The following TPCN2 variants were observed in gnomAD, a reference collection of about 807,000 sequenced individuals.
TPCN2 encodes the protein two pore segment channel 2, also known as two pore channel protein 2.
Under a neutral mutation model 111.4 loss-of-function variants are expected in TPCN2, and 92 were observed. The ratio of observed to expected loss-of-function variants is 0.83; its 90% CI spans 0.70 to 0.98. The LOEUF is 0.98. Among genes scored for constraint, TPCN2 ranks in the 50% least tolerant of loss-of-function variants. The pLI is 0.00. For missense variants in TPCN2, 995 were observed against 980.1 expected (o/e 1.02, Z -0.20); for synonymous variants, 405 against 414.5 (o/e 0.98, Z 0.28).
At position 69,067,599 on chromosome 11, in the gene TPCN2, C is replaced by G. The variant is rs1284811991; in HGVS notation, c.823C>G (p.Pro275Ala). 6.2e-7 allele frequency: 1 copy of G among 1,613,816 alleles called. No individual in the cohort carries two copies. Among genetic ancestry groups the G allele is most frequent in the South Asian group, 1.1e-5 (1 of 91,088 alleles). ...LLVLLTTANN[P>A]DVMIPAYSKN... Reference sequence around the variant, plus strand: ...GGTGCTGCTGACCACGGCCAACAACCCCGATGGTGCGTGCAGGGCCAGGGA... The same window carrying G: ...GGTGCTGCTGACCACGGCCAACAACGCCGATGGTGCGTGCAGGGCCAGGGA... The change falls in exon 8 of 25, where the codon CCC becomes GCC. Residue 275 changes from proline to alanine, a missense_variant. Physicochemically the swap from Pro to Ala is conservative, Grantham distance 27. Coordinates refer to ENST00000294309, the MANE Select transcript of TPCN2 (RefSeq NM_139075.4).
Position 69,081,510 on chromosome 11 carries a change from GC to G in TPCN2, c.1689+15del. The G allele has an allele frequency of 6.5e-7, 1 of 1,539,292 alleles. No homozygotes were observed. Among genetic ancestry groups the G allele is most frequent in the Non-Finnish European group, 8.8e-7 (1 of 1,138,302 alleles). On this transcript the variant is annotated intron_variant, in intron 18 of 24. Transcript: ENST00000294309. ...ATCCCCAGCATGAAGGTGTGTGCCG[GC>G]CCCACCCCCACTCGCCCCACCCTCC...
chr11:69,051,307 A>G (rs1412459063), intron 1 of TPCN2, among the ~76,000 whole-genome samples: 1 of 152,272 alleles, frequency 6.6e-6, no homozygotes, highest in East Asian at 1.9e-4. Context: ...TTATCAAACA[A>G]GTCAGAGGAC....
At chr11:69,086,468 G>A (rs927763894) in intron 22 of TPCN2, 55 bp from the exon 23 acceptor site, 7 of 1,468,078 alleles carry the variant, frequency 4.8e-6, no homozygotes, top group South Asian at 1.1e-5. Context: ...TGTTTGTATC[G>A]AGTGCTCTTG....
rs761153685 is a variant in TPCN2, at chr11:69,055,345, C to T, written c.422C>T (p.Ser141Phe). 4 of 1,608,206 alleles carry T rather than the reference C, an allele frequency of 2.5e-6. No individual in the cohort carries two copies. Among genetic ancestry groups the T allele is most frequent in the East Asian group, 2.2e-5 (1 of 44,814 alleles). ...LCLLVFAADL[S>F]VKGYLFGWAH... is the part of the protein sequence containing the mutation. ...CTGCTGGTCTTTGCGGCCGACCTCT[C>T]TGTGAAGGTGAGGCGGGCGCCAGGC... The change falls in exon 4 of 25, where the codon TCT becomes TTT. Residue 141 changes from serine to phenylalanine, a missense_variant. By Grantham distance (155) the Ser-to-Phe change is radical. Coordinates refer to ENST00000294309, the MANE Select transcript of TPCN2 (RefSeq NM_139075.4).
chr11:69,087,225 C>T lies in TPCN2; in HGVS notation c.2180+19C>T, dbSNP rs375848652. The T allele has an allele frequency of 5.3e-5, 85 of 1,609,546 alleles. No individual in the cohort carries two copies. The African/African-American group carries it at 5.6e-4, about 11-fold the overall frequency. On this transcript the variant is annotated intron_variant, in intron 24 of 24. Coordinates refer to ENST00000294309, the MANE Select transcript of TPCN2 (RefSeq NM_139075.4). ...TGTTCAGGTGTGTGGGTGGGGAAGG[C>T]GCTTCTGTCTGGCCCCCTGGGATGG...
intron 4 of TPCN2, among the ~76,000 whole-genome samples, chr11:69,056,928 C>T (rs1211203671): frequency 6.6e-6 from 1 of 152,086 alleles, no homozygotes; most frequent in African/African-American, 2.4e-5. Flanking sequence ...ACCTTCGCCT[C>T]CTGGGTTCAA....
intron 19 of TPCN2, chr11:69,084,736 C>G (rs1856199932): frequency 2.0e-6 from 2 of 985,438 alleles, no homozygotes; most frequent in Non-Finnish European, 2.4e-6. Context: ...GGGCTGGACC[C>G]CAGCTGTGCC....
intron 7 of TPCN2, 124 bp from the exon 8 acceptor site, chr11:69,067,379 G>T: frequency 1.2e-6 from 1 of 849,150 alleles, no homozygotes; most frequent in Non-Finnish European, 1.9e-6. Flanking sequence ...CCTGCTGGGA[G>T]GCCACAGGGA....
chr11:69,082,115 T>C (rs1186334659), intron 18 of TPCN2, among the ~76,000 whole-genome samples: 1 of 152,204 alleles, frequency 6.6e-6, no homozygotes, highest in Non-Finnish European at 1.5e-5. Context: ...GCTGTGCACC[T>C]GTCCCACCTG....
At chr11:69,082,510 G>A (rs1292788854) in intron 18 of TPCN2, among the ~76,000 whole-genome samples, 4 of 151,926 alleles carry the variant, frequency 2.6e-5, no homozygotes, top group East Asian at 1.9e-4. Flanking sequence ...ACGCATGATC[G>A]TGTGTGCACA....
rs1370630588 is a variant in TPCN2 at position 69,063,888 on chromosome 11, C to A, written c.654-7C>A. On this transcript the variant is annotated splice_polypyrimidine_tract_variant and splice_region_variant and intron_variant, in intron 6 of 24. Transcript: ENST00000294309. ...TGGCCCAGGCTGAGTGCCGTGCTCT[C>A]CCCCAGCGTCGGGCTGCTGCTGGCC... is the stretch of plus-strand genomic sequence containing the variant. 2 of 1,613,442 alleles carry A rather than the reference C, an allele frequency of 1.2e-6. No individual in the cohort carries two copies. Among genetic ancestry groups the A allele is most frequent in the Middle Eastern group, 1.6e-4 (1 of 6,082 alleles).
intron 11 of TPCN2, 113 bp downstream of exon 11, chr11:69,072,136 T>C (rs1459563717): frequency 2.3e-6 from 2 of 863,126 alleles, no homozygotes; most frequent in African/African-American, 3.4e-5. Flanking sequence ...TCGCCCCTGC[T>C]GGCTGGCACC....
intron 20 of TPCN2, 44 bp from the exon 21 acceptor site, chr11:69,085,627 A>C (rs1590755078): frequency 7.5e-7 from 1 of 1,325,072 alleles, no homozygotes. Context: ...AGGCCTCAGA[A>C]CCTGGAGCCC....
chr11:69,086,479 C>G, intron 22 of TPCN2, 44 bp from the exon 23 acceptor site: 5 of 1,560,204 alleles, frequency 3.2e-6, no homozygotes, highest in Non-Finnish European at 4.4e-6. Context: ...AGTGCTCTTG[C>G]TTTGCTCATC....
chr11:69,068,250 A>G (rs1263745158), intron 8 of TPCN2, among the ~76,000 whole-genome samples: 1 of 151,950 alleles, frequency 6.6e-6, no homozygotes, highest in African/African-American at 2.4e-5. Flanking sequence ...TCTGAGTCCT[A>G]GGAAGTGACC....
chr11:69,055,983 G>A (rs1854747540), intron 4 of TPCN2, among the ~76,000 whole-genome samples: 1 of 152,230 alleles, frequency 6.6e-6, no homozygotes, highest in South Asian at 2.1e-4. Flanking sequence ...TGCCTGTGAC[G>A]CACGTCCTCC....
At chr11:69,071,299 C>G (rs1855525271) in intron 9 of TPCN2, 57 bp from the exon 10 acceptor site, 1 of 1,434,338 alleles carries the variant, frequency 7.0e-7, no homozygotes, top group Admixed American at 1.8e-5. Context: ...GCCACCCTTG[C>G]GTTGGTTTTG....
At chr11:69,050,072 C>T (rs1051168939) in intron 1 of TPCN2, among the ~76,000 whole-genome samples, 13 of 152,244 alleles carry the variant, frequency 8.5e-5, no homozygotes, top group Admixed American at 3.3e-4. Flanking sequence ...TGCCCACCCA[C>T]TGGTCTGTGG....
intron 2 of TPCN2, 60 bp downstream of exon 2, chr11:69,054,157 G>A (rs554459319): frequency 4.1e-5 from 59 of 1,453,120 alleles, no homozygotes; most frequent in South Asian, 6.9e-5. Context: ...CGATTGGCTC[G>A]CCCCTCCAGG....
Sources: gnomAD v4.1 joint callset for allele counts (sites outside exome capture counted in the v4.1 genomes callset) on GRCh38, gnomAD v4.1.1 for gene constraint, MANE v1.5 for transcripts, NCBI Gene and HGNC (gene_info 2026-07-23, HGNC 2026-07-21) for gene names.